Variants in SDK1 observed in about 807,000 individuals in gnomAD.
SDK1 encodes sidekick cell adhesion molecule 1.
Under a neutral mutation model 245.5 loss-of-function variants are expected in SDK1, and 157 were observed. That is an observed-to-expected ratio of 0.64 (90% CI 0.56 to 0.73). The LOEUF (loss-of-function observed/expected upper bound fraction) is 0.73. Among genes scored for constraint, SDK1 ranks in the 30% least tolerant of loss-of-function variants. The pLI, the probability that SDK1 is intolerant of heterozygous loss-of-function variation, is 0.00. For missense variants in SDK1, 3,583 were observed against 3,002.3 expected (o/e 1.19, Z -4.52); for synonymous variants, 1,647 against 1,278.5 (o/e 1.29, Z -6.15).
chr7:3,894,373 G>T (rs1322180708), intron 5 of SDK1, among the ~76,000 whole-genome samples: 1 of 151,858 alleles, frequency 6.6e-6, no homozygotes, highest in African/African-American at 2.4e-5. Flanking sequence ...ATGTTTGAGT[G>T]AAGCTGTGAG....
At chr7:3,420,668 A>G (rs1200721706) in intron 1 of SDK1, among the ~76,000 whole-genome samples, 1 of 152,208 alleles carries the variant, frequency 6.6e-6, no homozygotes, top group Non-Finnish European at 1.5e-5. Context: ...TATTTTAGAG[A>G]AAGTAAACGT....
rs752647418 is a variant in SDK1, at chr7:3,962,724, A to G, written c.1302A>G (p.Arg434=). The change falls in exon 9 of 45, where the codon CGA becomes CGG. Residue 434 remains arginine, a synonymous_variant. Coordinates refer to ENST00000404826, the MANE Select transcript of SDK1 (RefSeq NM_152744.4). ...CCATCAGCAGGCTCCAGAATCCTCG[A>G]TACAAAGTGCTCGCCAGCGGAGGCC... ...AISISRLQNP[R]YKVLASGGLR... 1.6e-5 allele frequency: 26 copies of G among 1,613,800 alleles called. No homozygotes were observed. The Middle Eastern group carries it at 5.0e-4, about 31-fold the overall frequency.
Position 3,951,842 on chromosome 7 carries a change from G to A in SDK1, c.1072G>A (p.Gly358Arg), listed in dbSNP as rs761765581. Residue 358 changes from glycine (G) to arginine (R), a missense_variant, in exon 7 of 45, where the codon GGG (glycine) becomes AGG (arginine). Physicochemically the swap from Gly to Arg is moderately radical, Grantham distance 125. Transcript: ENST00000404826. ...TISNPTSADT[G>R]PYVCEAALPG... Reference sequence around the variant, plus strand: ...CAGCAACCCGACGTCCGCGGACACCGGGCCATACGTCTGCGAGGCGGCGCT... The same window carrying A: ...CAGCAACCCGACGTCCGCGGACACCAGGCCATACGTCTGCGAGGCGGCGCT... The A allele has an allele frequency of 7.4e-6, 12 of 1,613,660 alleles. No homozygotes were observed. Among genetic ancestry groups the A allele is most frequent in the South Asian group, 3.3e-5 (3 of 91,054 alleles).
At chr7:4,234,489 A>C (rs1183271483) in intron 41 of SDK1, among the ~76,000 whole-genome samples, 1 of 152,148 alleles carries the variant, frequency 6.6e-6, no homozygotes, top group Non-Finnish European at 1.5e-5. Context: ...AAAGCCTACC[A>C]CAGGGGAAGG....
chr7:3,943,565 G>C (rs533877406), intron 5 of SDK1, among the ~76,000 whole-genome samples: 2 of 150,288 alleles, frequency 1.3e-5, no homozygotes, highest in African/African-American at 2.5e-5. Context: ...TGTTCCTAGC[G>C]CGGAGGCTCC....
rs191540133 is a variant in SDK1, at chr7:3,918,329, C to T, written c.848-32594C>T. On this transcript the variant is annotated intron_variant, in intron 5 of 44. Transcript: ENST00000404826. Reference sequence around the variant, plus strand: ...GCCTCATGTGTATTTACAGCTGCTCCCATCGCTGGCATTACCACCAGAGCT... The same window carrying T: ...GCCTCATGTGTATTTACAGCTGCTCTCATCGCTGGCATTACCACCAGAGCT... 5.9e-5 allele frequency among the ~76,000 whole-genome samples: 9 copies of T among 152,282 alleles called. No individual in the cohort carries two copies. In the East Asian group the frequency reaches 9.7e-4, roughly 16 times the overall value.
chr7:4,059,195 T>C (rs1239210285), intron 19 of SDK1, among the ~76,000 whole-genome samples: 1 of 152,128 alleles, frequency 6.6e-6, no homozygotes, highest in Non-Finnish European at 1.5e-5. Context: ...CTATAGGCTG[T>C]GTACAAGAAA....
At chr7:3,555,243 C>A (rs1440120250) in intron 1 of SDK1, among the ~76,000 whole-genome samples, 1 of 152,110 alleles carries the variant, frequency 6.6e-6, no homozygotes, top group African/African-American at 2.4e-5. Context: ...GCAAGTTGAC[C>A]AGTGGAACAA....
At chr7:3,883,585 C>A (rs896020693) in intron 5 of SDK1, among the ~76,000 whole-genome samples, 1 of 152,160 alleles carries the variant, frequency 6.6e-6, no homozygotes, top group South Asian at 2.1e-4. Flanking sequence ...CTTAAATAGT[C>A]CTGGACCCCA....
rs1350377423 is a variant in SDK1, at chr7:4,178,573, T to C, written c.5085T>C (p.Phe1695=). 3 of 1,611,402 alleles carry C rather than the reference T, an allele frequency of 1.9e-6. No homozygotes were observed. The highest frequency in any genetic ancestry group is 2.5e-6 in the Non-Finnish European group (3 of 1,179,672). ...ESPASAPVEV[F]VGEAAPAMAP... ...CAGCCAGCGCGCCCGTGGAGGTCTT[T>C]GTCGGCGAGGCTGGTAAGCTCCGTG... Residue 1695 remains phenylalanine, a synonymous_variant, in exon 35 of 45, where the codon TTT becomes TTC. Transcript: ENST00000404826.
intron 7 of SDK1, 65 bp downstream of exon 7, chr7:3,951,985 G>A: frequency 6.9e-7 from 1 of 1,443,718 alleles, no homozygotes. Flanking sequence ...TGACTCTTCT[G>A]CAGAAACAAA....
intron 4 of SDK1, among the ~76,000 whole-genome samples, chr7:3,692,867 C>T (rs1045371085): frequency 5.9e-5 from 9 of 151,936 alleles, no homozygotes; most frequent in Admixed American, 5.9e-4. Flanking sequence ...GAGTATTGCA[C>T]TGGCAAATAC....
rs372135317 is a variant in SDK1 at position 4,128,989 on chromosome 7, G to A, written c.3940-919G>A. Reference sequence around the variant, plus strand: ...GGTCCCCTGGAGGAGAGCAGCTTGGGGTGGGGTGCCCTGGAGGAGAGCACA... The same window carrying A: ...GGTCCCCTGGAGGAGAGCAGCTTGGAGTGGGGTGCCCTGGAGGAGAGCACA... On this transcript the variant is annotated intron_variant, in intron 26 of 44. Coordinates refer to ENST00000404826, the MANE Select transcript of SDK1 (RefSeq NM_152744.4). Among the ~76,000 whole-genome samples, 97 of 139,376 alleles carry A rather than the reference G, an allele frequency of 7.0e-4. 4 individuals are homozygous for A. In the South Asian group the frequency reaches 0.015, roughly 21 times the overall value. 91.4% of individuals were successfully genotyped at this position (139,376 alleles called of 152,430 possible). A position where few individuals can be genotyped will look rare whatever the true frequency, so the allele number is the denominator to read the frequency against.
At position 4,237,754 on chromosome 7, in the gene SDK1, C is replaced by A. The variant is rs748695400; in HGVS notation, c.6100C>A (p.Gln2034Lys). The A allele has an allele frequency of 3.1e-6, 5 of 1,613,994 alleles. No homozygotes were observed. The highest frequency in any genetic ancestry group is 1.1e-5 in the South Asian group (1 of 91,086). ...LVVFALVLHG[Q>K]NKKYKNCSTG... ...GGTGTTCGCCCTCGTCCTGCACGGG[C>A]AGAATAAGAAGTATAAGAACTGCAG... is the stretch of plus-strand genomic sequence containing the variant. The change falls in exon 42 of 45, where the codon CAG becomes AAG. Residue 2034 changes from glutamine (Q) to lysine (K), a missense_variant. Coordinates refer to ENST00000404826, the MANE Select transcript of SDK1 (RefSeq NM_152744.4).
intron 1 of SDK1, among the ~76,000 whole-genome samples, chr7:3,486,255 C>G (rs1781690977): frequency 7.0e-6 from 1 of 143,696 alleles, no homozygotes; most frequent in South Asian, 2.4e-4. Flanking sequence ...TCTTTAATAT[C>G]TGAGGTTGTT....
At chr7:3,789,970 C>T (rs919803690) in intron 4 of SDK1, among the ~76,000 whole-genome samples, 1 of 152,132 alleles carries the variant, frequency 6.6e-6, no homozygotes, top group African/African-American at 2.4e-5. Context: ...TTACACACAG[C>T]ATGGTCGCCA....
At chr7:4,017,864 C>T (rs951784470) in intron 17 of SDK1, among the ~76,000 whole-genome samples, 15 of 152,210 alleles carry the variant, frequency 9.9e-5, no homozygotes, top group African/African-American at 2.4e-4. Context: ...AAACTGCCCC[C>T]GACCCCTGGA....
chr7:4,094,100 A>G (rs899615097), intron 22 of SDK1, among the ~76,000 whole-genome samples: 1 of 151,974 alleles, frequency 6.6e-6, no homozygotes, highest in Admixed American at 6.6e-5. Context: ...TCCGTTGCCC[A>G]GGCTGGAGTG....
intron 38 of SDK1, among the ~76,000 whole-genome samples, chr7:4,219,306 C>A (rs1357354818): frequency 2.6e-5 from 4 of 152,138 alleles, no homozygotes; most frequent in Non-Finnish European, 4.4e-5. Context: ...TGTATACGCT[C>A]CCTGTGTTAA....
Sources: allele counts gnomAD v4.1 joint callset (sites outside exome capture counted in the v4.1 genomes callset), GRCh38; gene constraint gnomAD v4.1.1; transcripts MANE v1.5; gene names NCBI Gene and HGNC (gene_info 2026-07-23, HGNC 2026-07-21).